B3GALT5: variants seen among roughly 807,000 people sequenced by gnomAD.
B3GALT5 encodes the protein beta-1,3-galactosyltransferase 5, also known as UDP-Gal:betaGlcNAc beta 1,3-galactosyltransferase, polypeptide 5.
For synonymous variants in B3GALT5, 156 were observed against 158.6 expected (o/e 0.98, Z 0.12); for missense variants, 328 against 396.6 (o/e 0.83, Z 1.47).
At chr21:39,619,462 T>A (rs2123683566) in intron 1 of B3GALT5, among the ~76,000 whole-genome samples, 1 of 152,298 alleles carries the variant, frequency 6.6e-6, no homozygotes, top group South Asian at 2.1e-4. Context: ...TGGACACAAT[T>A]CCGTCCATAG....
chr21:39,647,911 G>C (rs1345650905), intron 2 of B3GALT5, among the ~76,000 whole-genome samples: 1 of 152,134 alleles, frequency 6.6e-6, no homozygotes, highest in Non-Finnish European at 1.5e-5. Flanking sequence ...CAGTTAAAAA[G>C]CTTTTACAAA....
At chr21:39,654,208 G>A (rs543239205) in intron 2 of B3GALT5, among the ~76,000 whole-genome samples, 1 of 152,320 alleles carries the variant, frequency 6.6e-6, no homozygotes, top group South Asian at 2.1e-4. Flanking sequence ...AAATACAGTT[G>A]CTTCCCAAGT....
chr21:39,619,024 G>A (rs1302440672), intron 1 of B3GALT5, among the ~76,000 whole-genome samples: 2 of 152,122 alleles, frequency 1.3e-5, no homozygotes, highest in Non-Finnish European at 2.9e-5. Flanking sequence ...GTCCTAGGTT[G>A]TTAATTCAGT....
In B3GALT5 at chr21:39,667,356, T is replaced by C. The variant is rs2079587138; in HGVS notation, c.*5864T>C. On this transcript the variant is annotated 3_prime_UTR_variant, in exon 4 of 4. Coordinates refer to ENST00000684187, the MANE Select transcript of B3GALT5 (RefSeq NM_001356336.2). ...CAAATAATTAATTTTCATGCGAGTT[T>C]TTGATCCCCTTGAGTGTGGTTATTT... The C allele has an allele frequency of 6.6e-6, 1 of 152,212 alleles. No individual in the cohort carries two copies. The highest frequency in any genetic ancestry group is 2.1e-4 in the South Asian group (1 of 4,832). 9.4% of individuals were successfully genotyped at this position (152,212 alleles called of 1,614,324 possible). A position where few individuals can be genotyped will look rare whatever the true frequency, so the allele number is the denominator to read the frequency against.
chr21:39,623,150 CCTTT>C (rs1216082696), intron 1 of B3GALT5, among the ~76,000 whole-genome samples: 1 of 136,404 alleles, frequency 7.3e-6, no homozygotes. Flanking sequence ...TCCCTTCCTC[CCTTT>C]CTCTTTCTTT....
chr21:39,643,888 A>T (rs1321691432), intron 1 of B3GALT5, among the ~76,000 whole-genome samples: 1 of 152,114 alleles, frequency 6.6e-6, no homozygotes, highest in Non-Finnish European at 1.5e-5. Context: ...CTTATTTTGT[A>T]GTAAAATCTT....
At chr21:39,613,701 T>C (rs1009228810) in intron 1 of B3GALT5, among the ~76,000 whole-genome samples, 1 of 152,240 alleles carries the variant, frequency 6.6e-6, no homozygotes, top group Admixed American at 6.5e-5. Context: ...CGCGCGTATG[T>C]GTGCGCATGT....
chr21:39,625,002 G>C (rs943328042), intron 1 of B3GALT5, among the ~76,000 whole-genome samples: 1 of 152,090 alleles, frequency 6.6e-6, no homozygotes, highest in African/African-American at 2.4e-5. Context: ...TTTTCCTCTG[G>C]GTTCTTCTTT....
chr21:39,660,007 T>C, intron 3 of B3GALT5, 95 bp downstream of exon 3: 1 of 721,390 alleles, frequency 1.4e-6, no homozygotes, highest in South Asian at 6.3e-5. Flanking sequence ...CAGGAAAGAA[T>C]CAGATCAGAG....
rs146759715 is a variant in B3GALT5 at position 39,637,850 on chromosome 21, T to C, written c.-391-8542T>C. Among the ~76,000 whole-genome samples, 238 of 152,304 alleles carry C rather than the reference T, an allele frequency of 1.6e-3. 1 individual carries two copies. The highest frequency in any genetic ancestry group is 4.9e-3 in the African/African-American group (204 of 41,556). The stretch of plus-strand genomic sequence containing the variant: ...ATTGGTCTTAGGGTACATTGGGCAG[T>C]CCATGGTTTGGCTGCAAGGGAGCAA... On this transcript the variant is annotated intron_variant, in intron 1 of 3. Transcript: ENST00000684187.
At chr21:39,657,631 A>T (rs2079459372) in intron 2 of B3GALT5, 3 of 346,324 alleles carry the variant, frequency 8.7e-6, no homozygotes, top group Non-Finnish European at 1.6e-5. Flanking sequence ...CACGCTAGCC[A>T]ATTCTTCTAA....
chr21:39,661,186 G>A lies in B3GALT5; in HGVS notation c.627G>A (p.Arg209=). ...FVSKSEYPWD[R]YPPFCSGTGY... ...GTAAATCTGAATATCCGTGGGACAG[G>A]TACCCACCATTCTGCTCCGGCACCG... The change falls in exon 4 of 4, where the codon AGG becomes AGA. Residue 209 remains arginine, a synonymous_variant. Transcript: ENST00000684187. This position sits in a 1 kb window ranked among gnomAD's most constrained non-coding sequence, Gnocchi z 4.7. 6.2e-7 allele frequency: 1 copy of A among 1,614,150 alleles called. No homozygotes were observed. Among genetic ancestry groups the A allele is most frequent in the Non-Finnish European group, 8.5e-7 (1 of 1,180,028 alleles).
At chr21:39,625,959 A>G (rs1253315251) in intron 1 of B3GALT5, among the ~76,000 whole-genome samples, 1 of 152,242 alleles carries the variant, frequency 6.6e-6, no homozygotes. Flanking sequence ...ATGTAAATGT[A>G]CCATTTTAAC....
intron 1 of B3GALT5, among the ~76,000 whole-genome samples, chr21:39,634,099 T>C (rs1045142995): frequency 5.3e-5 from 8 of 152,224 alleles, no homozygotes; most frequent in Non-Finnish European, 1.2e-4. Context: ...CCTTGACCAT[T>C]CCCCATGCCT....
intron 1 of B3GALT5, among the ~76,000 whole-genome samples, chr21:39,639,401 T>TCCTTCC (rs60094395): frequency 3.6e-4 from 12 of 32,908 alleles, no homozygotes; most frequent in East Asian, 1.6e-3. Flanking sequence ...CTTCTTTCTT[T>TCCTTCC]TTCTTTCTTT....
intron 2 of B3GALT5, among the ~76,000 whole-genome samples, chr21:39,652,992 A>C (rs2079409665): frequency 6.6e-6 from 1 of 152,172 alleles, no homozygotes; most frequent in Non-Finnish European, 1.5e-5. Flanking sequence ...GAAGTGTGCA[A>C]ATCTTCGCTA....
At chr21:39,651,284 AT>A (rs1335757296) in intron 2 of B3GALT5, among the ~76,000 whole-genome samples, 1 of 152,176 alleles carries the variant, frequency 6.6e-6, no homozygotes, top group Non-Finnish European at 1.5e-5. Flanking sequence ...AAACACAGAC[AT>A]TTGCTGTCTC....
intron 1 of B3GALT5, among the ~76,000 whole-genome samples, chr21:39,630,788 G>C (rs1006360598): frequency 1.3e-5 from 2 of 152,158 alleles, no homozygotes; most frequent in African/African-American, 4.8e-5. Flanking sequence ...AATACTAGAG[G>C]GTGGGGCAGG....
At chr21:39,617,232 C>T (rs550722178) in intron 1 of B3GALT5, among the ~76,000 whole-genome samples, 15 of 152,286 alleles carry the variant, frequency 9.8e-5, no homozygotes, top group South Asian at 8.3e-4. Context: ...AAAATGGTTT[C>T]GTATGGTCCT....
Sources: allele counts gnomAD v4.1 joint callset (sites outside exome capture counted in the v4.1 genomes callset), GRCh38; gene constraint gnomAD v4.1.1; non-coding constraint Gnocchi (gnomAD v3.1); transcripts MANE v1.5; gene names NCBI Gene and HGNC (gene_info 2026-07-23, HGNC 2026-07-21).